LARGE1: variants seen among roughly 807,000 people sequenced by gnomAD.
LARGE1 encodes xylosyl- and glucuronyltransferase LARGE1.
A neutral mutation model predicts 87.6 loss-of-function variants in LARGE1; 43 were observed. The observed-to-expected ratio is 0.49, with a 90% CI of 0.38 to 0.63. The LOEUF (loss-of-function observed/expected upper bound fraction) is 0.63, where lower values mean the gene tolerates loss of function less well. Ranked by LOEUF, LARGE1 falls within the 30% of genes least tolerant of loss-of-function variation. The probability of loss-of-function intolerance (pLI) is 0.00; values close to 1 mark genes in which losing one functional copy is unlikely to be tolerated. For missense variants in LARGE1, 802 were observed against 1,000.2 expected, an observed-to-expected ratio of 0.80 and a Z score of 2.67; for synonymous variants, 434 against 394.6, an observed-to-expected ratio of 1.10 and a Z score of -1.18.
At chr22:33,163,139 GCATCATATAAATTAT>G (rs1298960825) in exon 12 of LARGE1, 2 of 152,176 alleles carry the variant, frequency 1.3e-5, no homozygotes, top group African/African-American at 2.4e-5. Flanking sequence ...TGTACTAGAT[GCATCATATAAATTAT>G]CACAGATCCT....
chr22:33,857,970 G>A (rs567967412), intron 1 of LARGE1, among the ~76,000 whole-genome samples: 16 of 152,250 alleles, frequency 1.1e-4, no homozygotes, highest in African/African-American at 3.1e-4. Context: ...AATGGCGGCC[G>A]GTCGCTTCCA....
chr22:33,378,401 C>T (rs944573789), intron 9 of LARGE1, among the ~76,000 whole-genome samples: 4 of 152,130 alleles, frequency 2.6e-5, no homozygotes, highest in African/African-American at 9.7e-5. Context: ...AACTGTTTAT[C>T]CGCTGAGGAT....
At chr22:33,119,325 T>A in the LARGE1 span, among the ~76,000 whole-genome samples, 1 of 152,072 alleles carries the variant, frequency 6.6e-6, no homozygotes, top group Non-Finnish European at 1.5e-5. Context: ...TTTCTAATGC[T>A]TTTATATATT....
intron 1 of LARGE1, among the ~76,000 whole-genome samples, chr22:33,772,246 T>C (rs145001411): frequency 0.08 from 12,157 of 151,826 alleles, 586 homozygotes; most frequent in South Asian, 0.22. Flanking sequence ...GGCAGGAGAA[T>C]GGTGTGAACG....
chr22:33,721,460 G>A lies in LARGE1; in HGVS notation c.106+39911C>T, dbSNP rs1187626900. Among the ~76,000 whole-genome samples the A allele has an allele frequency of 2.0e-5, 3 of 152,106 alleles. No individual in the cohort carries two copies. The East Asian group carries it at 5.8e-4, about 29-fold the overall frequency. ...GACTATTATCAATTCATACAATATC[G>A]AAATTCACCCACTTACCTTAAATGT... On this transcript the variant is annotated intron_variant, in intron 2 of 14. Coordinates refer to ENST00000397394, the MANE Select transcript of LARGE1 (RefSeq NM_133642.5).
intron 3 of LARGE1, among the ~76,000 whole-genome samples, chr22:33,641,469 CTT>C (rs2080431037): frequency 6.6e-6 from 1 of 152,098 alleles, no homozygotes; most frequent in Admixed American, 6.6e-5. Context: ...CAGAATGCCT[CTT>C]CTCCCCCAAA....
At chr22:33,261,565 A>C (rs1193347039) in intron 11 of LARGE1, among the ~76,000 whole-genome samples, 1 of 152,090 alleles carries the variant, frequency 6.6e-6, no homozygotes, top group Non-Finnish European at 1.5e-5. Context: ...AAGGAAAAAT[A>C]AGTGAACAAA....
At chr22:33,760,696 C>G (rs1601549844) in intron 2 of LARGE1, among the ~76,000 whole-genome samples, 1 of 152,098 alleles carries the variant, frequency 6.6e-6, no homozygotes, top group African/African-American at 2.4e-5. Context: ...CCAAGGTGGG[C>G]AGATCACAAG....
At chr22:33,856,638 G>C (rs1015119051) in intron 1 of LARGE1, 2 of 152,202 alleles carry the variant, frequency 1.3e-5, no homozygotes, top group Non-Finnish European at 2.9e-5. Context: ...AGCCAAGCGA[G>C]GTAGCTTACT....
chr22:33,431,210 G>T (rs759429578), intron 7 of LARGE1, among the ~76,000 whole-genome samples: 2 of 152,228 alleles, frequency 1.3e-5, no homozygotes, highest in Admixed American at 6.5e-5. Context: ...TCAGGAGGAA[G>T]AGGCTGCCCT....
intron 7 of LARGE1, among the ~76,000 whole-genome samples, chr22:33,403,041 C>T (rs1386180077): frequency 1.4e-5 from 2 of 147,380 alleles, no homozygotes; most frequent in African/African-American, 5.2e-5. Context: ...AGGGCTATGG[C>T]TGTAAAAAAC....
chr22:33,330,561 C>T (rs1484258677), intron 10 of LARGE1, among the ~76,000 whole-genome samples: 1 of 152,132 alleles, frequency 6.6e-6, no homozygotes, highest in African/African-American at 2.4e-5. Flanking sequence ...GAATTCTAAC[C>T]TCCATCCCTA....
At chr22:33,268,418 C>T (rs898694991), downstream of LARGE1, among the ~76,000 whole-genome samples, 1 of 147,698 alleles carries the variant, frequency 6.8e-6, no homozygotes, top group Non-Finnish European at 1.5e-5. Context: ...ATCTTAATAG[C>T]TGTTAAAAAA....
At chr22:33,295,119 G>C (rs951126268) in intron 12 of LARGE1, among the ~76,000 whole-genome samples, 1 of 152,158 alleles carries the variant, frequency 6.6e-6, no homozygotes, top group Non-Finnish European at 1.5e-5. Flanking sequence ...CTTTACAGAC[G>C]GTCATGCACT....
chr22:33,489,484 G>A (rs775280290), intron 6 of LARGE1, among the ~76,000 whole-genome samples: 1 of 152,114 alleles, frequency 6.6e-6, no homozygotes, highest in Non-Finnish European at 1.5e-5. Flanking sequence ...GTTGTAGGAG[G>A]GACCCAGTAG....
intron 2 of LARGE1, among the ~76,000 whole-genome samples, chr22:33,666,513 T>C (rs1364817188): frequency 1.3e-5 from 2 of 152,112 alleles, no homozygotes; most frequent in East Asian, 1.9e-4. Flanking sequence ...CTACTGCCAA[T>C]AGAGACGCAC....
rs115663313 is a variant in LARGE1 at position 33,509,827 on chromosome 22, C to T, written c.787+55021G>A. Among the ~76,000 whole-genome samples, 1,501 of 152,272 alleles carry T rather than the reference C, an allele frequency of 9.9e-3. 25 individuals are homozygous for T. Among genetic ancestry groups the T allele is most frequent in the African/African-American group, 0.033 (1,375 of 41,550 alleles). Reference sequence around the variant, plus strand: ...TAACTGGGCAATTTAAAATCTCTCTCGTCTGCTTTCATTTAGACAGAAATG... The same window carrying T: ...TAACTGGGCAATTTAAAATCTCTCTTGTCTGCTTTCATTTAGACAGAAATG... On this transcript the variant is annotated intron_variant, in intron 6 of 14. Transcript: ENST00000397394.
chr22:33,693,982 C>T (rs894795651), intron 2 of LARGE1, among the ~76,000 whole-genome samples: 2 of 152,128 alleles, frequency 1.3e-5, no homozygotes, highest in African/African-American at 4.8e-5. Flanking sequence ...CTCAGGGACC[C>T]ACCCTGGAGG....
intron 9 of LARGE1, among the ~76,000 whole-genome samples, chr22:33,355,810 T>C (rs2146818254): frequency 6.6e-6 from 1 of 152,118 alleles, no homozygotes; most frequent in South Asian, 2.1e-4. Flanking sequence ...TTGCTCAAAA[T>C]TGTGTTCTTC....
Sources: allele counts gnomAD v4.1 joint callset (sites outside exome capture counted in the v4.1 genomes callset), GRCh38; gene constraint gnomAD v4.1.1; transcripts MANE v1.5; gene names NCBI Gene and HGNC (gene_info 2026-07-23, HGNC 2026-07-21).